The following NCAM2 variants were observed in gnomAD, a reference collection of about 807,000 sequenced individuals.
NCAM2 encodes neural cell adhesion molecule 2, also known as N-CAM-2.
A neutral mutation model predicts 98.1 loss-of-function variants in NCAM2; 30 were observed. That is an observed-to-expected ratio of 0.31 (90% CI 0.23 to 0.41). The LOEUF (loss-of-function observed/expected upper bound fraction) is 0.41. NCAM2 is among the 10% of genes least tolerant of loss of function. The pLI is 1.00. For synonymous variants in NCAM2, 368 were observed against 342.4 expected (o/e 1.07, Z -0.83); for missense variants, 867 against 1,005.8 (o/e 0.86, Z 1.87).
In NCAM2 at chr21:21,293,603, T is replaced by G. The variant is rs533122233; in HGVS notation, c.619+1362T>G. 2.6e-5 allele frequency among the ~76,000 whole-genome samples: 4 copies of G among 151,678 alleles called. No homozygotes were observed. In the East Asian group the frequency reaches 7.8e-4, roughly 30 times the overall value. Reference sequence around the variant, plus strand: ...CCATAATCAGTGGAGTAGTTAACCTTCAGTGCGGGAGGAAGATTTCAGTGC... The same window carrying G: ...CCATAATCAGTGGAGTAGTTAACCTGCAGTGCGGGAGGAAGATTTCAGTGC... On this transcript the variant is annotated intron_variant, in intron 5 of 17. Coordinates refer to ENST00000400546, the MANE Select transcript of NCAM2 (RefSeq NM_004540.5).
intron 1 of NCAM2, among the ~76,000 whole-genome samples, chr21:21,125,909 A>G (rs1293817279): frequency 1.3e-5 from 2 of 151,654 alleles, no homozygotes; most frequent in South Asian, 2.1e-4. Context: ...AAGTTAAGCA[A>G]ATAACTCATT....
At chr21:21,082,729 G>C (rs13052170) in intron 1 of NCAM2, among the ~76,000 whole-genome samples, 2 of 152,034 alleles carry the variant, frequency 1.3e-5, no homozygotes, top group African/African-American at 2.4e-5. Context: ...TATGTCATGT[G>C]TTTTTATGTA....
intron 14 of NCAM2, 96 bp downstream of exon 14, chr21:21,468,879 T>C: frequency 9.1e-7 from 1 of 1,096,720 alleles, no homozygotes; most frequent in Admixed American, 2.8e-5. Context: ...AATGTGTATT[T>C]AGTAATTGTG....
chr21:21,269,483 T>C (rs1198170915), intron 1 of NCAM2, among the ~76,000 whole-genome samples: 1 of 152,180 alleles, frequency 6.6e-6, no homozygotes, highest in African/African-American at 2.4e-5. Context: ...ATTATAGATG[T>C]CGATTTTATT....
At chr21:21,416,528 A>G (rs2076997962) in intron 10 of NCAM2, among the ~76,000 whole-genome samples, 1 of 144,258 alleles carries the variant, frequency 6.9e-6, no homozygotes, top group African/African-American at 2.6e-5. Flanking sequence ...GAAAAACACT[A>G]TCTTTCAAGC....
At chr21:21,197,420 G>C (rs771082084) in intron 1 of NCAM2, among the ~76,000 whole-genome samples, 2 of 152,148 alleles carry the variant, frequency 1.3e-5, no homozygotes, top group African/African-American at 4.8e-5. Context: ...GTGAGCCACC[G>C]TGCCCAGCCC....
In NCAM2 at chr21:21,071,869, GCCTATCTATCTA is replaced by G. The variant is rs1375814531; in HGVS notation, c.55+73252_55+73263del. ...TACTGCCCAATTATTTGTCATGTCT[GCCTATCTATCTA>G]TCTATCTATCTATCTATCTATCTAT... is the stretch of plus-strand genomic sequence containing the variant. On this transcript the variant is annotated intron_variant, in intron 1 of 17. Coordinates refer to ENST00000400546, the MANE Select transcript of NCAM2 (RefSeq NM_004540.5). Among the ~76,000 whole-genome samples the G allele has an allele frequency of 5.9e-3, 796 of 133,854 alleles. 7 individuals carry two copies. Among genetic ancestry groups the G allele is most frequent in the Admixed American group, 0.012 (148 of 12,786 alleles). 87.8% of individuals were successfully genotyped at this position (133,854 alleles called of 152,430 possible).
At chr21:21,254,211 T>G (rs1213174933) in intron 1 of NCAM2, among the ~76,000 whole-genome samples, 1 of 152,220 alleles carries the variant, frequency 6.6e-6, no homozygotes, top group Non-Finnish European at 1.5e-5. Context: ...TTATTCCTTT[T>G]ATTTCTTAGA....
At chr21:21,044,889 C>T (rs182026670) in intron 1 of NCAM2, among the ~76,000 whole-genome samples, 1 of 151,904 alleles carries the variant, frequency 6.6e-6, no homozygotes, top group East Asian at 1.9e-4. Context: ...TCCCTTGAGC[C>T]CAGAGAGAGA....
intron 8 of NCAM2, among the ~76,000 whole-genome samples, chr21:21,365,968 C>T (rs2075775136): frequency 5.9e-5 from 1 of 17,026 alleles, no homozygotes; most frequent in Admixed American, 8.5e-4. Context: ...GTACTGTTTC[C>T]CGTTTTAGGC....
chr21:21,106,357 G>A (rs893334257), intron 1 of NCAM2, among the ~76,000 whole-genome samples: 2 of 139,232 alleles, frequency 1.4e-5, no homozygotes, highest in Admixed American at 7.2e-5. Flanking sequence ...TTATTTCTGG[G>A]CAATATATTT....
At chr21:21,229,646 A>G (rs2070540375) in intron 1 of NCAM2, among the ~76,000 whole-genome samples, 1 of 151,430 alleles carries the variant, frequency 6.6e-6, no homozygotes, top group Non-Finnish European at 1.5e-5. Flanking sequence ...CTTCCAGATT[A>G]AGTGCTTATT....
chr21:21,002,080 A>T lies in NCAM2; in HGVS notation c.55+3462A>T, dbSNP rs750278684. On this transcript the variant is annotated intron_variant, in intron 1 of 17. Transcript: ENST00000400546. ...ATCAGCCTCTCTGTGCAAAGTTTCTATTAAATCGACTGGGTCTTCTTTTGC... is the reference window on the plus strand; with the variant it reads ...ATCAGCCTCTCTGTGCAAAGTTTCTTTTAAATCGACTGGGTCTTCTTTTGC... Among the ~76,000 whole-genome samples, 12 of 152,284 alleles carry T rather than the reference A, an allele frequency of 7.9e-5. No homozygotes were observed. The South Asian group carries it at 8.3e-4, about 11-fold the overall frequency.
At chr21:21,151,063 G>A (rs1285188631) in intron 1 of NCAM2, among the ~76,000 whole-genome samples, 1 of 151,402 alleles carries the variant, frequency 6.6e-6, no homozygotes, top group Non-Finnish European at 1.5e-5. Flanking sequence ...AAGGAGATTA[G>A]GATGATTAAA....
rs570475447 is a variant in NCAM2, at chr21:21,328,482, A to G, written c.737+3982A>G. ...CAGCTCCATGCCTGTTATTGCCCCC[A>G]AAAGACCTTGTAGTGGGATGAGATG... On this transcript the variant is annotated intron_variant, in intron 6 of 17. Transcript: ENST00000400546. 1.5e-3 allele frequency among the ~76,000 whole-genome samples: 226 copies of G among 152,084 alleles called. 2 individuals are homozygous for G. The highest frequency in any genetic ancestry group is 5.3e-3 in the African/African-American group (218 of 41,522).
chr21:21,393,368 T>C (rs1439717541), intron 9 of NCAM2, among the ~76,000 whole-genome samples: 2 of 151,986 alleles, frequency 1.3e-5, no homozygotes, highest in Admixed American at 1.3e-4. Flanking sequence ...TTTTCTGTGA[T>C]TTTTTCCAGA....
intron 1 of NCAM2, among the ~76,000 whole-genome samples, chr21:21,106,523 A>G (rs904321265): frequency 1.3e-5 from 2 of 152,008 alleles, no homozygotes; most frequent in African/African-American, 4.8e-5. Context: ...ATTATAAGAA[A>G]TATTACAAAG....
intron 1 of NCAM2, among the ~76,000 whole-genome samples, chr21:21,135,920 A>G (rs1329126533): frequency 2.0e-5 from 3 of 147,962 alleles, no homozygotes; most frequent in East Asian, 2.0e-4. Flanking sequence ...ACAGATCCTA[A>G]GTCAGTGTCC....
At position 21,275,910 on chromosome 21, in the gene NCAM2, G is replaced by A. The variant is rs79339743; in HGVS notation, c.56-4668G>A. On this transcript the variant is annotated intron_variant, in intron 1 of 17. Coordinates refer to ENST00000400546, the MANE Select transcript of NCAM2 (RefSeq NM_004540.5). ...TAATTTTGGACAAAAATTCAAGTCA[G>A]TTGTTTCTGATATTCTCCTGAGTGT... Among the ~76,000 whole-genome samples, 487 of 152,110 alleles carry A rather than the reference G, an allele frequency of 3.2e-3. 5 individuals are homozygous for A. Among genetic ancestry groups the A allele is most frequent in the African/African-American group, 0.012 (478 of 41,510 alleles).
Sources: gnomAD v4.1 joint callset for allele counts (sites outside exome capture counted in the v4.1 genomes callset) on GRCh38, gnomAD v4.1.1 for gene constraint, MANE v1.5 for transcripts, NCBI Gene and HGNC (gene_info 2026-07-23, HGNC 2026-07-21) for gene names.